XKR3: variants seen among roughly 807,000 people sequenced by gnomAD.
XKR3 encodes the protein XK-related protein 3.
Under a neutral mutation model 40.3 loss-of-function variants are expected in XKR3, and 27 were observed. That is an observed-to-expected ratio of 0.67 (90% CI 0.49 to 0.92). The LOEUF (loss-of-function observed/expected upper bound fraction) is 0.92. Ranked by LOEUF, XKR3 falls within the 40% of genes least tolerant of loss-of-function variation. The pLI is 0.00. For missense variants in XKR3, 472 were observed against 537.6 expected, an observed-to-expected ratio of 0.88 and a Z score of 1.21; for synonymous variants, 193 against 195.4, an observed-to-expected ratio of 0.99 and a Z score of 0.10.
rs1365627646 is a variant in XKR3 at position 16,783,541 on chromosome 22, T to A, written c.*78A>T. The A allele has an allele frequency of 1.7e-6, 2 of 1,185,754 alleles. No individual in the cohort carries two copies. Among genetic ancestry groups the A allele is most frequent in the Non-Finnish European group, 2.3e-6 (2 of 881,074 alleles). 73.5% of individuals were successfully genotyped at this position (1,185,754 alleles called of 1,614,324 possible). ...ACTTCCAAGATTTTGCTGTGTATAT[T>A]TTTTAAATTTAAGAGCCTCTTAACA... On this transcript the variant is annotated 3_prime_UTR_variant, in exon 4 of 4. Transcript: ENST00000684488.
chr22:16,813,847 T>G (rs763938940), intron 1 of XKR3, among the ~76,000 whole-genome samples: 3 of 152,220 alleles, frequency 2.0e-5, no homozygotes, highest in Non-Finnish European at 2.9e-5. Flanking sequence ...TATTTCTTTC[T>G]GATTACACTC....
Position 16,807,769 on chromosome 22 carries a change from C to CA in XKR3, c.304dup (p.Trp102LeufsTer17), listed in dbSNP as rs1370053077. Reference sequence around the variant, plus strand: ...AATAGGTCCTAAAAGAAGAATGTGCCAAAAAAGTAATGCAGCCTTATTTCT... The same window carrying CA: ...AATAGGTCCTAAAAGAAGAATGTGCCAAAAAAAGTAATGCAGCCTTATTTCT... On this transcript the variant is annotated frameshift_variant, in exon 2 of 4. Transcript: ENST00000684488. LOFTEE classifies it high-confidence loss of function. The CA allele has an allele frequency of 3.7e-6, 6 of 1,607,142 alleles. No individual in the cohort carries two copies. The highest frequency in any genetic ancestry group is 1.7e-5 in the Admixed American group (1 of 59,114).
chr22:16,815,498 A>G (rs565322330), intron 1 of XKR3, among the ~76,000 whole-genome samples: 154 of 152,110 alleles, frequency 1.0e-3, no homozygotes, highest in African/African-American at 3.5e-3. Flanking sequence ...TATATTGGTT[A>G]CCTTTAACCA....
At chr22:16,807,178 ATTAACATAACAAAATTTACAGTAC>A (rs1367580094) in intron 2 of XKR3, among the ~76,000 whole-genome samples, 3 of 152,216 alleles carry the variant, frequency 2.0e-5, no homozygotes, top group Non-Finnish European at 4.4e-5. Flanking sequence ...AGTAAGACAG[ATTAACATAACAAAATTTACAGTAC>A]TCATGCAAAT....
rs138155166 is a variant in XKR3, at chr22:16,808,306, G to A, written c.-10-223C>T. Among the ~76,000 whole-genome samples the A allele has an allele frequency of 7.4e-4, 112 of 152,294 alleles. No individual in the cohort carries two copies. The East Asian group carries it at 0.019, about 26-fold the overall frequency. On this transcript the variant is annotated intron_variant, in intron 1 of 3. Coordinates refer to ENST00000684488, the MANE Select transcript of XKR3 (RefSeq NM_001386955.1). Reference sequence around the variant, plus strand: ...CTTCAGAAAACATTGTTTTAAAGAAGTAGACGATCAAACTTCTATAAGGCA... The same window carrying A: ...CTTCAGAAAACATTGTTTTAAAGAAATAGACGATCAAACTTCTATAAGGCA...
Position 16,783,817 on chromosome 22 carries a change from G to A in XKR3, c.1182C>T (p.Leu394=), listed in dbSNP as rs1426358059. Residue 394 remains leucine (L), a synonymous_variant, in exon 4 of 4, where the codon CTC becomes CTT. Coordinates refer to ENST00000684488, the MANE Select transcript of XKR3 (RefSeq NM_001386955.1). Reference sequence around the variant, plus strand: ...ATGGGTACAAATACTGATAGAAGAGGAGCATAAAGCCAGTGGCCAATAGGT... The same window carrying A: ...ATGGGTACAAATACTGATAGAAGAGAAGCATAAAGCCAGTGGCCAATAGGT... ...ISYLLATGFM[L]LFYQYLYPWQ... is the part of the protein sequence containing the mutation. 3 of 1,614,048 alleles carry A rather than the reference G, an allele frequency of 1.9e-6. No homozygotes were observed. The African/African-American group carries it at 4.0e-5, about 22-fold the overall frequency.
chr22:16,795,032 T>G (rs2060134759), intron 3 of XKR3, among the ~76,000 whole-genome samples: 1 of 152,142 alleles, frequency 6.6e-6, no homozygotes, highest in South Asian at 2.1e-4. Context: ...GGACTTAAAC[T>G]CAACACTTGA....
At chr22:16,787,588 TG>T (rs2060096080) in intron 3 of XKR3, among the ~76,000 whole-genome samples, 1 of 150,840 alleles carries the variant, frequency 6.6e-6, no homozygotes, top group Non-Finnish European at 1.5e-5. Context: ...ATAAGCGTAT[TG>T]TAGGAAAAAA....
intron 3 of XKR3, among the ~76,000 whole-genome samples, chr22:16,790,748 C>A (rs1295671122): frequency 2.0e-5 from 3 of 151,846 alleles, no homozygotes; most frequent in Non-Finnish European, 4.4e-5. Flanking sequence ...ATAAACAATT[C>A]TCCGTAAAGA....
At chr22:16,785,606 T>C (rs1213850714) in intron 3 of XKR3, among the ~76,000 whole-genome samples, 10 of 152,170 alleles carry the variant, frequency 6.6e-5, no homozygotes, top group Admixed American at 5.2e-4. Flanking sequence ...GGCTCACACC[T>C]GTAATCCCAG....
rs576095534 is a variant in XKR3 at position 16,823,722 on chromosome 22, T to C, written c.-11+1569A>G. On this transcript the variant is annotated intron_variant, in intron 1 of 3. Coordinates refer to ENST00000684488, the MANE Select transcript of XKR3 (RefSeq NM_001386955.1). ...GAATAGAGTTTACCTATTGCTTAGT[T>C]TTCTCCAGCAATGGAGAGATCAATA... Among the ~76,000 whole-genome samples, 3 of 152,236 alleles carry C rather than the reference T, an allele frequency of 2.0e-5. No homozygotes were observed. The East Asian group carries it at 5.8e-4, about 29-fold the overall frequency.
chr22:16,811,346 G>A lies in XKR3; in HGVS notation c.-10-3263C>T, dbSNP rs554186682. 7.9e-5 allele frequency among the ~76,000 whole-genome samples: 12 copies of A among 152,006 alleles called. No homozygotes were observed. The South Asian group carries it at 2.5e-3, about 32-fold the overall frequency. On this transcript the variant is annotated intron_variant, in intron 1 of 3. Transcript: ENST00000684488. ...TTGCCATGTTGGCCAGGCTGGTCTCGAACTCCTGAGCTCAGGTGGTCCACC... is the reference window on the plus strand; with the variant it reads ...TTGCCATGTTGGCCAGGCTGGTCTCAAACTCCTGAGCTCAGGTGGTCCACC...
chr22:16,791,883 T>C (rs1326148858), intron 3 of XKR3, among the ~76,000 whole-genome samples: 1 of 150,380 alleles, frequency 6.6e-6, no homozygotes, highest in African/African-American at 2.4e-5. Context: ...AAAATTGTAT[T>C]ACACTGACCA....
intron 3 of XKR3, 53 bp from the exon 4 acceptor site, chr22:16,784,462 C>A: frequency 6.8e-7 from 1 of 1,471,730 alleles, no homozygotes; most frequent in South Asian, 1.4e-5. Context: ...TAGTAATGAC[C>A]ACTTTCTTTT....
intron 1 of XKR3, among the ~76,000 whole-genome samples, chr22:16,818,891 T>C (rs1245143856): frequency 6.6e-6 from 1 of 152,132 alleles, no homozygotes; most frequent in Non-Finnish European, 1.5e-5. Context: ...CCCTATTCTG[T>C]CAGTGGGCTC....
At position 16,825,331 on chromosome 22, in the gene XKR3, A is replaced by G. The variant is rs2060268969; in HGVS notation, c.-51T>C. On this transcript the variant is annotated 5_prime_UTR_variant, in exon 1 of 4. Transcript: ENST00000684488. Reference sequence around the variant, plus strand: ...CCCTCACAGTTTTGAAACTCGTTCAAAAAGTAAATGCTTTTGTTCACCTCT... The same window carrying G: ...CCCTCACAGTTTTGAAACTCGTTCAGAAAGTAAATGCTTTTGTTCACCTCT... Among the ~76,000 whole-genome samples the G allele has an allele frequency of 6.6e-6, 1 of 152,200 alleles. No individual in the cohort carries two copies. Among genetic ancestry groups the G allele is most frequent in the Non-Finnish European group, 1.5e-5 (1 of 68,036 alleles).
At chr22:16,802,668 G>A (rs1486365395) in intron 2 of XKR3, among the ~76,000 whole-genome samples, 2 of 151,908 alleles carry the variant, frequency 1.3e-5, no homozygotes, top group African/African-American at 4.8e-5. Context: ...TTTTGGGTTT[G>A]TAGTAGAGAC....
At chr22:16,808,997 G>C (rs1260421639) in intron 1 of XKR3, among the ~76,000 whole-genome samples, 1 of 152,112 alleles carries the variant, frequency 6.6e-6, no homozygotes, top group African/African-American at 2.4e-5. Context: ...TATTTCCCCA[G>C]AAGACGTTGG....
chr22:16,816,166 C>T (rs544624184), intron 1 of XKR3, among the ~76,000 whole-genome samples: 1 of 151,966 alleles, frequency 6.6e-6, no homozygotes, highest in East Asian at 1.9e-4. Context: ...AATATGATTA[C>T]TCTCTTATCT....
Sources: gnomAD v4.1 joint callset for allele counts (sites outside exome capture counted in the v4.1 genomes callset) on GRCh38, gnomAD v4.1.1 for gene constraint, MANE v1.5 for transcripts, NCBI Gene and HGNC (gene_info 2026-07-23, HGNC 2026-07-21) for gene names.